MYO16: variants seen among roughly 807,000 people sequenced by gnomAD.
MYO16 encodes myosin XVI, also known as unconventional myosin-XVI.
A neutral mutation model predicts 205.3 loss-of-function variants in MYO16; 94 were observed. The ratio of observed to expected loss-of-function variants is 0.46; its 90% confidence interval spans 0.39 to 0.54. The LOEUF is 0.54. Ranked by LOEUF, MYO16 falls within the 20% of genes least tolerant of loss-of-function variation. The pLI, the probability that MYO16 is intolerant of heterozygous loss-of-function variation, is 0.00. For missense variants in MYO16, 2,315 were observed against 2,387.5 expected (o/e 0.97, Z 0.63); for synonymous variants, 988 against 954.0 (o/e 1.04, Z -0.66).
At chr13:108,892,096 G>T (rs769956418) in intron 14 of MYO16, among the ~76,000 whole-genome samples, 1 of 152,056 alleles carries the variant, frequency 6.6e-6, no homozygotes, top group African/African-American at 2.4e-5. Context: ...CCAAGCTTAT[G>T]TCTGATTCTG....
intron 33 of MYO16, among the ~76,000 whole-genome samples, chr13:109,174,711 AC>A (rs969398517): frequency 1.4e-5 from 2 of 140,070 alleles, no homozygotes; most frequent in African/African-American, 5.4e-5. Flanking sequence ...TCAGTGCCAT[AC>A]CCCCCTTGAA....
At chr13:108,677,335 G>GTATATATATATATATATGCA (rs1882262679) in intron 2 of MYO16, among the ~76,000 whole-genome samples, 1 of 87,478 alleles carries the variant, frequency 1.1e-5, no homozygotes, top group African/African-American at 5.0e-5. Flanking sequence ...GTGTGTGTGT[G>GTATATATATATATATATGCA]TATATATATA....
rs183941955 is a variant in MYO16 at position 109,102,814 on chromosome 13, C to G, written c.3438+1927C>G. On this transcript the variant is annotated intron_variant, in intron 28 of 34. Coordinates refer to ENST00000457511, the MANE Select transcript of MYO16 (RefSeq NM_001198950.3). ...AAATTGAAACATACATTGGGACTTT[C>G]AACAAGAGCATTAAAATTTATTTTA... 1.6e-3 allele frequency among the ~76,000 whole-genome samples: 245 copies of G among 152,130 alleles called. 2 individuals are homozygous for G. Among genetic ancestry groups the G allele is most frequent in the African/African-American group, 5.6e-3 (233 of 41,516 alleles).
At chr13:109,084,209 G>T (rs771633870) in intron 27 of MYO16, among the ~76,000 whole-genome samples, 2 of 152,168 alleles carry the variant, frequency 1.3e-5, no homozygotes, top group Non-Finnish European at 2.9e-5. Flanking sequence ...AAAAGAGAAC[G>T]ATTAGATAAC....
intron 2 of MYO16, 49 bp downstream of exon 2, chr13:108,666,198 T>C (rs772334537): frequency 4.6e-6 from 7 of 1,519,816 alleles, no homozygotes; most frequent in Non-Finnish European, 4.4e-6. Flanking sequence ...TTTTTCATGA[T>C]TGATTTTTGT....
intron 2 of MYO16, among the ~76,000 whole-genome samples, chr13:108,689,789 C>G (rs1043548384): frequency 2.6e-5 from 4 of 151,958 alleles, no homozygotes; most frequent in African/African-American, 9.7e-5. Context: ...AACTCCACCA[C>G]AGCCTACATT....
At chr13:108,917,600 A>C (rs561293298) in intron 16 of MYO16, among the ~76,000 whole-genome samples, 2 of 152,336 alleles carry the variant, frequency 1.3e-5, no homozygotes, top group African/African-American at 4.8e-5. Context: ...TGAATATTGC[A>C]ATGTATTTCC....
rs1015213476 is a variant in MYO16 at position 108,982,877 on chromosome 13, A to T, written c.2370-9499A>T. On this transcript the variant is annotated intron_variant, in intron 20 of 34. Coordinates refer to ENST00000457511, the MANE Select transcript of MYO16 (RefSeq NM_001198950.3). ...TAACACTCAAATATCCTATGCTCTT[A>T]AAATACATTTTGGATACATCAGACC... Among the ~76,000 whole-genome samples, 5 of 152,160 alleles carry T rather than the reference A, an allele frequency of 3.3e-5. No individual in the cohort carries two copies. In the South Asian group the frequency reaches 1.0e-3, roughly 32 times the overall value.
chr13:108,961,670 G>T lies in MYO16; in HGVS notation c.2155+14G>T. On this transcript the variant is annotated intron_variant, in intron 18 of 34. Transcript: ENST00000457511. ...TCCTGGAACAAGGTCAGTGGAACATGACCTTCTGACATTAACCACATTGAT... is the reference window on the plus strand; with the variant it reads ...TCCTGGAACAAGGTCAGTGGAACATTACCTTCTGACATTAACCACATTGAT... 1 of 1,582,584 alleles carries T rather than the reference G, an allele frequency of 6.3e-7. No homozygotes were observed. Among genetic ancestry groups the T allele is most frequent in the Non-Finnish European group, 8.7e-7 (1 of 1,151,362 alleles).
chr13:108,859,082 A>G (rs1321196339), intron 11 of MYO16, among the ~76,000 whole-genome samples: 2 of 152,056 alleles, frequency 1.3e-5, no homozygotes, highest in Non-Finnish European at 2.9e-5. Context: ...CTGCCTTCAT[A>G]TGTTTTCCTC....
At chr13:109,019,184 T>G (rs914600316) in intron 22 of MYO16, among the ~76,000 whole-genome samples, 2 of 152,016 alleles carry the variant, frequency 1.3e-5, no homozygotes, top group Non-Finnish European at 2.9e-5. Flanking sequence ...TTACCATGTT[T>G]CCCAGGCTGG....
At chr13:108,712,789 C>A in intron 3 of MYO16, 58 bp downstream of exon 3, 1 of 1,361,656 alleles carries the variant, frequency 7.3e-7, no homozygotes, top group Non-Finnish European at 1.0e-6. Flanking sequence ...GAGTACATTA[C>A]AGGTTCAAAC....
chr13:109,140,238 A>C lies in MYO16; in HGVS notation c.4052-26A>C. The C allele has an allele frequency of 6.3e-7, 1 of 1,596,162 alleles. No individual in the cohort carries two copies. Among genetic ancestry groups the C allele is most frequent in the Non-Finnish European group, 8.5e-7 (1 of 1,178,002 alleles). The stretch of plus-strand genomic sequence containing the variant: ...CACCCGTGGGCCTGGCCTGGCACCC[A>C]CTGACCGCGTCCTTTCCTGCCGCAG... On this transcript the variant is annotated intron_variant, in intron 31 of 34. Coordinates refer to ENST00000457511, the MANE Select transcript of MYO16 (RefSeq NM_001198950.3). The surrounding 1 kb of genome is among the most constrained non-coding windows in gnomAD (Gnocchi z 8.0).
chr13:109,120,434 A>G lies in MYO16; in HGVS notation c.3503A>G (p.Gln1168Arg), dbSNP rs1875936811. 1.2e-6 allele frequency: 2 copies of G among 1,612,278 alleles called. No homozygotes were observed. Among genetic ancestry groups the G allele is most frequent in the Non-Finnish European group, 8.5e-7 (1 of 1,179,348 alleles). Residue 1168 changes from glutamine to arginine, a missense_variant, in exon 29 of 35, where the codon CAG (glutamine) becomes CGG (arginine). By Grantham distance (43) the Gln-to-Arg change is conservative. This residue lies in a region of MYO16 where 1,097 missense variants were observed against 1,092.0 expected (regional missense o/e 1.00). Coordinates refer to ENST00000457511, the MANE Select transcript of MYO16 (RefSeq NM_001198950.3). ...HADQLNDLCL[Q>R]LQRKIITCQK... Reference sequence around the variant, plus strand: ...GACCAACTCAATGATTTGTGCCTACAGTTGCAGAGAAAAATTATAACCTGC... The same window carrying G: ...GACCAACTCAATGATTTGTGCCTACGGTTGCAGAGAAAAATTATAACCTGC...
rs1470910143 is a variant in MYO16, at chr13:109,055,454, G to A, written c.3194G>A (p.Arg1065Lys). ...KCTPHFIHCI[R>K]PNNSKLPDTF... Reference sequence around the variant, plus strand: ...ACTCCACACTTCATTCATTGCATCAGGCCCAATAACTCAAAGCTGCCAGAT... The same window carrying A: ...ACTCCACACTTCATTCATTGCATCAAGCCCAATAACTCAAAGCTGCCAGAT... The change falls in exon 27 of 35, where the codon AGG (arginine) becomes AAG (lysine). Residue 1065 changes from arginine to lysine, a missense_variant. By Grantham distance (26) the Arg-to-Lys change is conservative. Around this residue, in one of 3 missense-constraint regions of MYO16, gnomAD observed 5 missense variants for 21.1 expected, o/e 0.24. Transcript: ENST00000457511. The surrounding 1 kb of genome is among the most constrained non-coding windows in gnomAD (Gnocchi z 5.0). 1 of 1,612,990 alleles carries A rather than the reference G, an allele frequency of 6.2e-7. No individual in the cohort carries two copies. The highest frequency in any genetic ancestry group is 2.2e-5 in the East Asian group (1 of 44,876).
chr13:109,199,347 A>C (rs1054552204), intron 34 of MYO16, among the ~76,000 whole-genome samples: 6 of 151,018 alleles, frequency 4.0e-5, no homozygotes, highest in Non-Finnish European at 7.4e-5. Context: ...CCCATTCATG[A>C]AGCAGGGAGC....
chr13:108,534,907 TTCTTCTCCTTCC>T, the MYO16 span, among the ~76,000 whole-genome samples: 1 of 150,878 alleles, frequency 6.6e-6, no homozygotes, highest in Non-Finnish European at 1.5e-5. Flanking sequence ...CTTCTCCTTC[TTCTTCTCCTTCC>T]TCTCTTCCTT....
chr13:108,799,131 C>T (rs1274995348), intron 6 of MYO16, among the ~76,000 whole-genome samples: 1 of 152,180 alleles, frequency 6.6e-6, no homozygotes, highest in Non-Finnish European at 1.5e-5. Flanking sequence ...ATGGAGACAG[C>T]CATTGATTTT....
chr13:109,169,727 C>G (rs912905383), intron 33 of MYO16, among the ~76,000 whole-genome samples: 1 of 152,114 alleles, frequency 6.6e-6, no homozygotes, highest in East Asian at 1.9e-4. Flanking sequence ...TGCCTTCCTA[C>G]AAGGAAAATT....
Sources: allele counts gnomAD v4.1 joint callset (sites outside exome capture counted in the v4.1 genomes callset), GRCh38; gene constraint gnomAD v4.1.1; regional missense constraint gnomAD v4.1.1; non-coding constraint Gnocchi (gnomAD v3.1); transcripts MANE v1.5; gene names NCBI Gene and HGNC (gene_info 2026-07-23, HGNC 2026-07-21).